The following ARHGAP6 variants were observed in gnomAD, a reference collection of about 807,000 sequenced individuals.
The protein encoded by ARHGAP6 is rho GTPase-activating protein 6.
In ARHGAP6, 16 loss-of-function variants were observed where a neutral mutation model predicts 55.7. That is an observed-to-expected ratio of 0.29 (90% CI 0.19 to 0.44). The LOEUF is 0.44. Among genes scored for constraint, ARHGAP6 ranks in the 20% least tolerant of loss-of-function variants. The pLI, the probability that ARHGAP6 is intolerant of heterozygous loss-of-function variation, is 1.00. For missense variants in ARHGAP6, 698 were observed against 808.9 expected (o/e 0.86, Z 1.66); for synonymous variants, 382 against 360.9 (o/e 1.06, Z -0.66).
intron 1 of ARHGAP6, among the ~76,000 whole-genome samples, chrX:11,303,190 G>A (rs1263211238): frequency 8.9e-6 from 1 of 112,715 alleles, no homozygotes; most frequent in Non-Finnish European, 1.9e-5. Context: ...GCTTATGTCT[G>A]TTGTGAAATT....
chrX:11,615,331 C>T (rs1013784476), intron 1 of ARHGAP6, among the ~76,000 whole-genome samples: 3 of 112,128 alleles, frequency 2.7e-5, no homozygotes, highest in African/African-American at 9.7e-5. Context: ...TTTTCTCCTA[C>T]TACTCTTGCA....
intron 1 of ARHGAP6, among the ~76,000 whole-genome samples, chrX:11,615,618 A>G (rs1343530241): frequency 9.0e-6 from 1 of 111,703 alleles, no homozygotes; most frequent in Non-Finnish European, 1.9e-5. Context: ...CAAAACACCT[A>G]AAACATCTTG....
At chrX:11,607,285 C>T (rs2052046807) in intron 1 of ARHGAP6, among the ~76,000 whole-genome samples, 1 of 111,757 alleles carries the variant, frequency 8.9e-6, no homozygotes, top group Non-Finnish European at 1.9e-5. Context: ...TCATCTCAAG[C>T]AATGATATCA....
In ARHGAP6 at chrX:11,209,005, A is replaced by C. The variant is rs1279334731; in HGVS notation, c.749-12009T>G. Among the ~76,000 whole-genome samples, 4 of 112,414 alleles carry C rather than the reference A, an allele frequency of 3.6e-5. No homozygotes were observed. In the East Asian group the frequency reaches 1.1e-3, roughly 31 times the overall value. ...TTTTAAAATGTTGAGGGAAGAAGGG[A>C]AGACCAACTATGTAGAAAAGGGAGC... On this transcript the variant is annotated intron_variant, in intron 2 of 12. Coordinates refer to ENST00000337414, the MANE Select transcript of ARHGAP6 (RefSeq NM_013427.3).
chrX:11,583,842 G>A (rs944136209), intron 1 of ARHGAP6, among the ~76,000 whole-genome samples: 1 of 111,644 alleles, frequency 9.0e-6, no homozygotes, highest in African/African-American at 3.3e-5. Flanking sequence ...TTTCCAGCTT[G>A]AAAGAAAAAT....
intron 1 of ARHGAP6, among the ~76,000 whole-genome samples, chrX:11,582,630 A>T (rs181838892): frequency 8.9e-6 from 1 of 111,928 alleles, no homozygotes; most frequent in East Asian, 2.8e-4. Context: ...TTCATGTGTG[A>T]TCATAGGACT....
chrX:11,649,567 A>T (rs898036809), intron 1 of ARHGAP6, among the ~76,000 whole-genome samples: 2 of 110,970 alleles, frequency 1.8e-5, no homozygotes. Flanking sequence ...CTTTTTCTTC[A>T]TTACTCCTTC....
chrX:11,244,332 A>C (rs1258350873), intron 2 of ARHGAP6, among the ~76,000 whole-genome samples: 1 of 112,018 alleles, frequency 8.9e-6, no homozygotes, highest in African/African-American at 3.2e-5. Flanking sequence ...GCAATACAGA[A>C]AGAAATGGAC....
At chrX:11,515,504 T>G (rs1297443574) in intron 1 of ARHGAP6, among the ~76,000 whole-genome samples, 1 of 106,984 alleles carries the variant, frequency 9.3e-6, no homozygotes, top group African/African-American at 3.6e-5. Context: ...CCCCCTTTTT[T>G]AACAACCAAA....
At chrX:11,501,921 A>G (rs184666115) in intron 1 of ARHGAP6, among the ~76,000 whole-genome samples, 29 of 111,408 alleles carry the variant, frequency 2.6e-4, no homozygotes, top group Non-Finnish European at 5.7e-5. Flanking sequence ...AAGTGGACCC[A>G]CACAGTTCAA....
In ARHGAP6 at chrX:11,542,794, A is replaced by G. The variant is rs1470424964; in HGVS notation, c.588+121447T>C. ...CCACCCCAAGAACACACAATCTGTC[A>G]CATCTTGGATGTGAACTTAAGGCTG... On this transcript the variant is annotated intron_variant, in intron 1 of 12. Coordinates refer to ENST00000337414, the MANE Select transcript of ARHGAP6 (RefSeq NM_013427.3). Among the ~76,000 whole-genome samples, 6 of 111,919 alleles carry G rather than the reference A, an allele frequency of 5.4e-5. 1 individual carries two copies. Among genetic ancestry groups the G allele is most frequent in the African/African-American group, 1.6e-4 (5 of 30,778 alleles).
intron 1 of ARHGAP6, among the ~76,000 whole-genome samples, chrX:11,496,178 T>G (rs1254417985): frequency 8.9e-6 from 1 of 112,573 alleles, no homozygotes; most frequent in East Asian, 2.8e-4. Context: ...AAATATGTAT[T>G]GTCTTAAGCC....
At chrX:11,589,323 C>G (rs968169480) in intron 1 of ARHGAP6, among the ~76,000 whole-genome samples, 1 of 108,826 alleles carries the variant, frequency 9.2e-6, no homozygotes, top group Non-Finnish European at 1.9e-5. Flanking sequence ...ATTACAGGCA[C>G]GAGCCACCGC....
At chrX:11,203,240 C>A (rs764233215) in intron 2 of ARHGAP6, among the ~76,000 whole-genome samples, 2 of 112,076 alleles carry the variant, frequency 1.8e-5, no homozygotes, top group Non-Finnish European at 1.9e-5. Flanking sequence ...GATAACTTTT[C>A]TAAATTAGGA....
chrX:11,214,902 G>A (rs1278275966), intron 2 of ARHGAP6, among the ~76,000 whole-genome samples: 1 of 113,342 alleles, frequency 8.8e-6, no homozygotes, highest in African/African-American at 3.2e-5. Context: ...GGGGAAAGCC[G>A]GCATGAGGCC....
intron 1 of ARHGAP6, among the ~76,000 whole-genome samples, chrX:11,529,955 C>T (rs962542777): frequency 9.0e-6 from 1 of 111,373 alleles, no homozygotes; most frequent in Admixed American, 9.6e-5. Context: ...CAAAGAAGGA[C>T]AAAAATCAGG....
Position 11,179,387 on chromosome X carries a change from C to T in ARHGAP6, c.1395G>A (p.Val465=), listed in dbSNP as rs752246067. The part of the protein sequence containing the change: ...SLEEEHSVHD[V]AALLKEFLRD... ...TCAGGAACTCTTTCAGCAAGGCTGC[C>T]ACATCATGAACACTGTGCTCCTCCT... The change falls in exon 7 of 13, where the codon GTG becomes GTA. Residue 465 remains valine, a synonymous_variant. Transcript: ENST00000337414. 5 of 1,208,259 alleles carry T rather than the reference C, an allele frequency of 4.1e-6. No individual in the cohort carries two copies. Among genetic ancestry groups the T allele is most frequent in the Admixed American group, 4.4e-5 (2 of 45,483 alleles).
chrX:11,139,412 G>T lies in ARHGAP6; in HGVS notation c.2376C>A (p.Ser792Arg). 2.5e-6 allele frequency: 3 copies of T among 1,189,632 alleles called. No individual in the cohort carries two copies. The highest frequency in any genetic ancestry group is 3.4e-6 in the Non-Finnish European group (3 of 886,505). The change falls in exon 13 of 13, where the codon AGC becomes AGA. Residue 792 changes from serine (S) to arginine (R), a missense_variant. Transcript: ENST00000337414. ...RWQGSPAELDSDTQGARRTQA... is the reference protein window; with the variant it reads ...RWQGSPAELDRDTQGARRTQA... ...GAGTCCTCCGAGCCCCCTGCGTGTC[G>T]CTGTCCAGCTCTGCGGGGCTCCCCT...
At chrX:11,506,485 G>A (rs1379929998) in intron 1 of ARHGAP6, among the ~76,000 whole-genome samples, 2 of 109,860 alleles carry the variant, frequency 1.8e-5, no homozygotes, top group African/African-American at 6.7e-5. Context: ...GTGACAACAT[G>A]TGGTGTTTGG....
Sources: gnomAD v4.1 joint callset for allele counts (sites outside exome capture counted in the v4.1 genomes callset) on GRCh38, gnomAD v4.1.1 for gene constraint, MANE v1.5 for transcripts, NCBI Gene and HGNC (gene_info 2026-07-23, HGNC 2026-07-21) for gene names.